The following NCAM1 variants were observed in gnomAD, a reference collection of about 807,000 sequenced individuals.
The protein encoded by NCAM1 is neural cell adhesion molecule 1, also known as antigen recognized by monoclonal antibody 5.1H11.
In NCAM1, 14 loss-of-function variants were observed where a neutral mutation model predicts 109.8. The ratio of observed to expected loss-of-function variants is 0.13; its 90% CI spans 0.08 to 0.20. The LOEUF is 0.20. NCAM1 is among the 10% of genes least tolerant of loss of function. NCAM1 has a pLI of 1.00. For missense variants in NCAM1, 774 were observed against 1,109.9 expected, an observed-to-expected ratio of 0.70 and a Z score of 4.30; for synonymous variants, 418 against 442.9, an observed-to-expected ratio of 0.94 and a Z score of 0.70.
At chr11:113,141,197 G>GA (rs1281033530) in intron 1 of NCAM1, among the ~76,000 whole-genome samples, 1 of 152,226 alleles carries the variant, frequency 6.6e-6, no homozygotes, top group African/African-American at 2.4e-5. Context: ...ACGGGGAAGA[G>GA]AAAAACAGAT....
At chr11:112,981,040 G>A (rs1181318804) in intron 1 of NCAM1, among the ~76,000 whole-genome samples, 1 of 151,732 alleles carries the variant, frequency 6.6e-6, no homozygotes, top group Non-Finnish European at 1.5e-5. Context: ...ATTCTGGGGA[G>A]CTGTTACTCA....
At chr11:113,236,488 A>G (rs948800549) in intron 14 of NCAM1, among the ~76,000 whole-genome samples, 1 of 152,174 alleles carries the variant, frequency 6.6e-6, no homozygotes, top group African/African-American at 2.4e-5. Context: ...TAACGTCTGT[A>G]GGTTACTCCA....
At chr11:113,043,357 G>C (rs1250673655) in intron 1 of NCAM1, among the ~76,000 whole-genome samples, 11 of 151,898 alleles carry the variant, frequency 7.2e-5, no homozygotes, top group African/African-American at 2.4e-4. Flanking sequence ...TATTTTTTGA[G>C]ACAGAGTTTC....
intron 17 of NCAM1, chr11:113,262,721 C>A: frequency 3.8e-6 from 4 of 1,055,428 alleles, no homozygotes; most frequent in South Asian, 1.8e-5. Context: ...TTCCTTCTGT[C>A]CCCCTCCCCT....
chr11:113,095,817 T>C (rs1555090305), intron 1 of NCAM1, among the ~76,000 whole-genome samples: 6 of 152,216 alleles, frequency 3.9e-5, no homozygotes, highest in Admixed American at 1.3e-4. Context: ...AGCCTGTGCC[T>C]CACCTCCTAC....
At chr11:113,075,146 A>G (rs1374885243) in intron 1 of NCAM1, among the ~76,000 whole-genome samples, 1 of 152,100 alleles carries the variant, frequency 6.6e-6, no homozygotes, top group African/African-American at 2.4e-5. Context: ...GGCTCACTGC[A>G]TGCTGGACCT....
intron 14 of NCAM1, chr11:113,240,915 C>A: frequency 7.4e-7 from 1 of 1,350,186 alleles, no homozygotes; most frequent in Non-Finnish European, 1.1e-6. Context: ...TTATCTCCTT[C>A]ACCAGGTGAT....
At chr11:113,014,847 C>T (rs1565383100) in intron 1 of NCAM1, among the ~76,000 whole-genome samples, 3 of 152,194 alleles carry the variant, frequency 2.0e-5, no homozygotes, top group Admixed American at 1.3e-4. Flanking sequence ...GGGACAGGGC[C>T]TAGCAGTGCT....
chr11:113,029,479 A>G (rs1364796378), intron 1 of NCAM1, among the ~76,000 whole-genome samples: 1 of 152,208 alleles, frequency 6.6e-6, no homozygotes, highest in Non-Finnish European at 1.5e-5. Context: ...GCAATTCAGT[A>G]TTGATACTTT....
intron 16 of NCAM1, among the ~76,000 whole-genome samples, chr11:113,256,302 A>T (rs549307421): frequency 6.6e-6 from 1 of 152,194 alleles, no homozygotes; most frequent in African/African-American, 2.4e-5. Flanking sequence ...GCCATTATCT[A>T]GTACTTCTTG....
intron 1 of NCAM1, among the ~76,000 whole-genome samples, chr11:112,966,746 T>C (rs1455652115): frequency 2.0e-5 from 3 of 152,252 alleles, no homozygotes; most frequent in Non-Finnish European, 4.4e-5. Context: ...CTTTTTGATG[T>C]TGGCCTGGGT....
intron 1 of NCAM1, among the ~76,000 whole-genome samples, chr11:112,999,056 C>T (rs1449460206): frequency 3.3e-5 from 5 of 152,152 alleles, no homozygotes; most frequent in African/African-American, 1.2e-4. Flanking sequence ...CACACACCTA[C>T]CTCCTTCAGA....
chr11:113,122,795 T>G (rs1050538702), intron 1 of NCAM1, among the ~76,000 whole-genome samples: 1 of 151,928 alleles, frequency 6.6e-6, no homozygotes, highest in Non-Finnish European at 1.5e-5. Flanking sequence ...AAAAAAATAA[T>G]AATAATAAAA....
intron 1 of NCAM1, among the ~76,000 whole-genome samples, chr11:113,052,702 T>C (rs1267455441): frequency 6.6e-6 from 1 of 152,208 alleles, no homozygotes; most frequent in Non-Finnish European, 1.5e-5. Context: ...GTATTTTTAT[T>C]TTTAAGTTCC....
intron 17 of NCAM1, among the ~76,000 whole-genome samples, chr11:113,260,988 C>A (rs1378113176): frequency 6.6e-6 from 1 of 152,178 alleles, no homozygotes; most frequent in Non-Finnish European, 1.5e-5. Flanking sequence ...TCCAGGGATC[C>A]AAGACCTAAC....
At chr11:113,096,750 C>T (rs1327511563) in intron 1 of NCAM1, among the ~76,000 whole-genome samples, 1 of 152,068 alleles carries the variant, frequency 6.6e-6, no homozygotes, top group Non-Finnish European at 1.5e-5. Flanking sequence ...GGTTCAGAGC[C>T]CTCATCCCAC....
Position 113,214,277 on chromosome 11 carries a change from C to G in NCAM1, c.917-92C>G, listed in dbSNP as rs1944465141. On this transcript the variant is annotated intron_variant, in intron 7 of 19. Coordinates refer to ENST00000316851, the MANE Select transcript of NCAM1 (RefSeq NM_181351.5). ...AGACTAGGGTCTTGTACTTAGCAGACAGCTAACCTTTGTTGGATAGGTGCA... is the reference window on the plus strand; with the variant it reads ...AGACTAGGGTCTTGTACTTAGCAGAGAGCTAACCTTTGTTGGATAGGTGCA... 21 of 1,381,310 alleles carry G rather than the reference C, an allele frequency of 1.5e-5. No homozygotes were observed. The South Asian group carries it at 2.6e-4, about 17-fold the overall frequency. 85.6% of individuals were successfully genotyped at this position (1,381,310 alleles called of 1,614,324 possible).
intron 1 of NCAM1, among the ~76,000 whole-genome samples, chr11:113,040,002 G>A (rs1428114024): frequency 3.3e-5 from 5 of 152,216 alleles, no homozygotes; most frequent in African/African-American, 7.2e-5. Context: ...TTATCCGGGC[G>A]TGGTGGCATG....
At chr11:113,177,974 G>A (rs1365145784) in intron 1 of NCAM1, among the ~76,000 whole-genome samples, 1 of 152,130 alleles carries the variant, frequency 6.6e-6, no homozygotes. Flanking sequence ...GAGAGTGGGT[G>A]GGAGGAATGC....
Sources: gnomAD v4.1 joint callset for allele counts (sites outside exome capture counted in the v4.1 genomes callset) on GRCh38, gnomAD v4.1.1 for gene constraint, MANE v1.5 for transcripts, NCBI Gene and HGNC (gene_info 2026-07-23, HGNC 2026-07-21) for gene names.